The following TMEM131L variants were observed in gnomAD, a reference collection of about 807,000 sequenced individuals.
TMEM131L encodes the protein transmembrane protein 131-like.
TMEM131L carries 54 observed loss-of-function variants against 192.2 expected under a neutral mutation model. The observed-to-expected ratio is 0.28, with a 90% confidence interval of 0.23 to 0.35. The LOEUF is 0.35. Among genes scored for constraint, TMEM131L ranks in the 10% least tolerant of loss-of-function variants. The probability of loss-of-function intolerance (pLI) is 1.00; values close to 1 mark genes in which losing one functional copy is unlikely to be tolerated. For missense variants in TMEM131L, 1,888 were observed against 1,972.9 expected (o/e 0.96, Z 0.82); for synonymous variants, 701 against 704.9 (o/e 0.99, Z 0.09).
chr4:153,545,290 C>CTTTTTTTTTTTTTTTTTTTTTT lies in TMEM131L; in HGVS notation c.240-4768_240-4767insTTTTTTTTTTTTTTTTTTTTTT, dbSNP rs59852943. On this transcript the variant is annotated intron_variant, in intron 3 of 34. Transcript: ENST00000409959. ...CTCTTGTATCAGCCACTTTTTCAAA[C>CTTTTTTTTTTTTTTTTTTTTTT]TTTTTTTTTTTTTTTGAGATGGAGT... is the stretch of plus-strand genomic sequence containing the variant. Among the ~76,000 whole-genome samples, 34 of 132,320 alleles carry CTTTTTTTTTTTTTTTTTTTTTT rather than the reference C, an allele frequency of 2.6e-4. 2 individuals carry two copies. Among genetic ancestry groups the CTTTTTTTTTTTTTTTTTTTTTT allele is most frequent in the East Asian group, 1.5e-3 (6 of 3,956 alleles). 86.8% of individuals were successfully genotyped at this position (132,320 alleles called of 152,430 possible). A position where few individuals can be genotyped will look rare whatever the true frequency, so the allele number is the denominator to read the frequency against.
chr4:153,550,129 AT>A lies in TMEM131L; in HGVS notation c.300del (p.Phe100LeufsTer10). 1 of 1,406,580 alleles carries A rather than the reference AT, an allele frequency of 7.1e-7. No homozygotes were observed. The highest frequency in any genetic ancestry group is 1.4e-5 in the South Asian group (1 of 71,906). 87.1% of individuals were successfully genotyped at this position (1,406,580 alleles called of 1,614,324 possible). ...KGLHFQPSVL[D>X]FGIQFLGHPV... ...TTACATTTTCAGCCATCAGTTTTAG[AT>A]TTTGGAATACAGTAAGTATCTTTTC... On this transcript the variant is annotated frameshift_variant, in exon 4 of 35. Coordinates refer to ENST00000409959, the MANE Select transcript of TMEM131L (RefSeq NM_001131007.2). LOFTEE classifies it high-confidence loss of function.
intron 7 of TMEM131L, among the ~76,000 whole-genome samples, chr4:153,574,733 G>A (rs569697051): frequency 1.4e-4 from 21 of 152,206 alleles, no homozygotes; most frequent in African/African-American, 3.4e-4. Flanking sequence ...GATTACAGGC[G>A]TGTGCCACCA....
At chr4:153,533,276 C>T (rs759628745) in intron 3 of TMEM131L, among the ~76,000 whole-genome samples, 36 of 152,308 alleles carry the variant, frequency 2.4e-4, no homozygotes, top group Non-Finnish European at 4.9e-4. Flanking sequence ...TAAGCTACCG[C>T]ACCCAGCCTC....
chr4:153,620,029 G>A (rs375327022), intron 26 of TMEM131L, among the ~76,000 whole-genome samples: 1 of 152,158 alleles, frequency 6.6e-6, no homozygotes, highest in Admixed American at 6.5e-5. Context: ...GCAACATGTG[G>A]AAGGAAGAAG....
intron 31 of TMEM131L, chr4:153,632,357 C>T (rs534561553): frequency 2.5e-4 from 38 of 153,882 alleles, no homozygotes; most frequent in South Asian, 2.1e-3. Context: ...ATGGCACGCA[C>T]ATTATCTGGC....
At chr4:153,509,324 C>A (rs562891098) in intron 3 of TMEM131L, among the ~76,000 whole-genome samples, 28 of 151,510 alleles carry the variant, frequency 1.8e-4, no homozygotes, top group African/African-American at 6.8e-4. Context: ...ATGATCCTGC[C>A]ACCGCACTCT....
chr4:153,551,708 A>G (rs1031008794), intron 4 of TMEM131L, among the ~76,000 whole-genome samples: 1 of 152,140 alleles, frequency 6.6e-6, no homozygotes, highest in Non-Finnish European at 1.5e-5. Context: ...AAGATTCTAT[A>G]AAGGGAAGAA....
chr4:153,549,964 G>A, intron 3 of TMEM131L, 109 bp from the exon 4 acceptor site: 1 of 465,274 alleles, frequency 2.1e-6, no homozygotes. Flanking sequence ...AATCTATGAG[G>A]GAGTAAAATT....
chr4:153,611,059 A>G (rs1732576173), intron 25 of TMEM131L, among the ~76,000 whole-genome samples: 1 of 152,248 alleles, frequency 6.6e-6, no homozygotes, highest in South Asian at 2.1e-4. Context: ...TTATGAAATC[A>G]CTTAAAAGAA....
At chr4:153,568,613 A>C (rs1212423968) in intron 7 of TMEM131L, among the ~76,000 whole-genome samples, 2 of 145,050 alleles carry the variant, frequency 1.4e-5, no homozygotes, top group Non-Finnish European at 2.9e-5. Flanking sequence ...TGGCAATATA[A>C]CATGTAGTAA....
chr4:153,476,488 G>A (rs1165163783), intron 3 of TMEM131L, among the ~76,000 whole-genome samples: 5 of 152,064 alleles, frequency 3.3e-5, no homozygotes, highest in Non-Finnish European at 7.4e-5. Flanking sequence ...ACGAGGTCAG[G>A]TGATCAAGAC....
chr4:153,524,132 T>G (rs1371883210), intron 3 of TMEM131L, among the ~76,000 whole-genome samples: 2 of 64,408 alleles, frequency 3.1e-5, no homozygotes, highest in Non-Finnish European at 5.7e-5. Context: ...TTCACTTCTG[T>G]TTTTTTTTTT....
rs1029038026 is a variant in TMEM131L, at chr4:153,486,149, C to T, written c.239+12261C>T. ...TAGTATTATATGGTTCCTAGCAAAT[C>T]CCTGAAAAAAAAAGAGCATGACTCG... is the stretch of plus-strand genomic sequence containing the variant. On this transcript the variant is annotated intron_variant, in intron 3 of 34. Transcript: ENST00000409959. 5.9e-5 allele frequency among the ~76,000 whole-genome samples: 9 copies of T among 151,960 alleles called. 1 individual carries two copies. Among genetic ancestry groups the T allele is most frequent in the Non-Finnish European group, 1.3e-4 (9 of 67,984 alleles).
chr4:153,466,572 C>A, intron 1 of TMEM131L, 51 bp downstream of exon 1: 1 of 1,270,410 alleles, frequency 7.9e-7, no homozygotes, highest in South Asian at 2.5e-5. Context: ...CGCCCCCGCT[C>A]TTTCTTTTAG....
chr4:153,595,527 A>C (rs116362392), intron 19 of TMEM131L, among the ~76,000 whole-genome samples: 3,450 of 152,288 alleles, frequency 0.023, 121 homozygotes, highest in Admixed American at 0.095. Flanking sequence ...GAAACATAAA[A>C]TTAAAAGTTA....
At chr4:153,473,733 A>C in intron 2 of TMEM131L, 112 bp from the exon 3 acceptor site, 1 of 756,452 alleles carries the variant, frequency 1.3e-6, no homozygotes, top group Non-Finnish European at 2.1e-6. Flanking sequence ...CGGAGGTTGC[A>C]GTGAGCCGAG....
chr4:153,554,423 TAGTGATTAAA>T (rs1332763894), intron 4 of TMEM131L, among the ~76,000 whole-genome samples: 1 of 152,210 alleles, frequency 6.6e-6, no homozygotes, highest in Non-Finnish European at 1.5e-5. Context: ...TCGTTAAGAC[TAGTGATTAAA>T]AGGAAGGGTG....
intron 3 of TMEM131L, among the ~76,000 whole-genome samples, chr4:153,545,327 G>T (rs1335548316): frequency 1.5e-5 from 2 of 133,988 alleles, no homozygotes; most frequent in South Asian, 2.4e-4. Flanking sequence ...TCGCTCTGTC[G>T]CCCAGGCTGG....
At chr4:153,467,038 AC>A (rs1277146874) in intron 1 of TMEM131L, among the ~76,000 whole-genome samples, 172 bp from the exon 2 acceptor site, 1 of 151,488 alleles carries the variant, frequency 6.6e-6, no homozygotes, top group Non-Finnish European at 1.5e-5. Context: ...GCCGGCTCAC[AC>A]CCCACCCATT....
Sources: gnomAD v4.1 joint callset for allele counts (sites outside exome capture counted in the v4.1 genomes callset) on GRCh38, gnomAD v4.1.1 for gene constraint, MANE v1.5 for transcripts, NCBI Gene and HGNC (gene_info 2026-07-23, HGNC 2026-07-21) for gene names.